The following ITPR1 variants were observed in gnomAD, a reference collection of about 807,000 sequenced individuals.
The protein encoded by ITPR1 is inositol 1,4,5-trisphosphate-gated calcium channel ITPR1.
Under a neutral mutation model 318.4 loss-of-function variants are expected in ITPR1, and 96 were observed. The ratio of observed to expected loss-of-function variants is 0.30; its 90% CI spans 0.26 to 0.36. The LOEUF is 0.36. ITPR1 is among the 10% of genes least tolerant of loss of function. ITPR1 has a pLI of 1.00. For synonymous variants in ITPR1, 1,312 were observed against 1,289.9 expected (o/e 1.02, Z -0.37); for missense variants, 2,440 against 3,460.2 (o/e 0.71, Z 7.40).
chr3:4,744,097 A>G (rs2043905197), intron 44 of ITPR1, among the ~76,000 whole-genome samples: 1 of 152,152 alleles, frequency 6.6e-6, no homozygotes, highest in African/African-American at 2.4e-5. Context: ...CAGCCTCCCA[A>G]AGTGCTGGGA....
At chr3:4,733,492 G>C (rs868256226) in intron 43 of ITPR1, among the ~76,000 whole-genome samples, 13 of 152,002 alleles carry the variant, frequency 8.6e-5, no homozygotes, top group Middle Eastern at 3.2e-3. Flanking sequence ...TGAATGATTT[G>C]AGGGATTTGA....
At chr3:4,590,222 C>T (rs1056662323) in intron 4 of ITPR1, among the ~76,000 whole-genome samples, 13 of 131,166 alleles carry the variant, frequency 9.9e-5, no homozygotes, top group Admixed American at 7.7e-4. Flanking sequence ...CTACTCTCAA[C>T]ACTGTATGTC....
rs1174581431 is a variant in ITPR1 at position 4,663,237 on chromosome 3, G to C, written c.1554+31G>C. On this transcript the variant is annotated intron_variant, in intron 16 of 61. Transcript: ENST00000649015. ...TGAGATGTGGCGTACTGGGGATTTG[G>C]CTTTATGAGAAATCATAAAGCATGA... 4 of 1,581,120 alleles carry C rather than the reference G, an allele frequency of 2.5e-6. No homozygotes were observed. In the Admixed American group the frequency reaches 6.9e-5, roughly 27 times the overall value.
At chr3:4,580,540 C>T (rs187721813) in intron 4 of ITPR1, among the ~76,000 whole-genome samples, 94 of 152,302 alleles carry the variant, frequency 6.2e-4, no homozygotes, top group African/African-American at 2.2e-3. Flanking sequence ...ACAAGTGATA[C>T]GGGGAGGTGA....
At chr3:4,535,664 C>T (rs2083809264) in intron 4 of ITPR1, among the ~76,000 whole-genome samples, 1 of 151,834 alleles carries the variant, frequency 6.6e-6, no homozygotes, top group Admixed American at 6.6e-5. Context: ...CCAGGATGGT[C>T]TCAATCTCCT....
chr3:4,775,478 G>GA, intron 47 of ITPR1, 36 bp downstream of exon 47: 1 of 1,524,730 alleles, frequency 6.6e-7, no homozygotes, highest in Non-Finnish European at 9.1e-7. Flanking sequence ...GGGAAAAAAA[G>GA]TGTCCCATTT....
Position 4,567,347 on chromosome 3 carries a change from T to C in ITPR1, c.163+46253T>C, listed in dbSNP as rs146059521. The stretch of plus-strand genomic sequence containing the variant: ...GCTAATAGAGTAATACCTTGTTGAA[T>C]TTGTGTAATGTTCCAGGTTGGAGGG... On this transcript the variant is annotated intron_variant, in intron 4 of 61. Transcript: ENST00000649015. Among the ~76,000 whole-genome samples, 1,155 of 152,284 alleles carry C rather than the reference T, an allele frequency of 7.6e-3. 12 individuals are homozygous for C. Among genetic ancestry groups the C allele is most frequent in the African/African-American group, 0.026 (1,093 of 41,564 alleles).
At chr3:4,788,514 C>G (rs781752120) in intron 52 of ITPR1, among the ~76,000 whole-genome samples, 4 of 152,232 alleles carry the variant, frequency 2.6e-5, no homozygotes, top group Non-Finnish European at 4.4e-5. Context: ...CTTGCTGGCT[C>G]ATTTACTAGC....
chr3:4,591,159 G>C (rs557458497), intron 4 of ITPR1, among the ~76,000 whole-genome samples: 47 of 152,278 alleles, frequency 3.1e-4, no homozygotes, highest in African/African-American at 1.0e-3. Flanking sequence ...CCATGCCTTT[G>C]CTATTGTGAA....
At chr3:4,652,966 T>C (rs2093629772) in intron 11 of ITPR1, among the ~76,000 whole-genome samples, 1 of 152,056 alleles carries the variant, frequency 6.6e-6, no homozygotes, top group Non-Finnish European at 1.5e-5. Flanking sequence ...CCAGCTTGGG[T>C]GACAGAATGA....
intron 60 of ITPR1, among the ~76,000 whole-genome samples, chr3:4,829,796 G>T (rs1382972665): frequency 6.6e-6 from 1 of 151,984 alleles, no homozygotes; most frequent in Middle Eastern, 3.4e-3. Context: ...TCCACCTTTA[G>T]AATATCACAC....
chr3:4,653,799 A>G, intron 11 of ITPR1, 43 bp from the exon 12 acceptor site: 1 of 1,493,864 alleles, frequency 6.7e-7, no homozygotes, highest in Non-Finnish European at 9.2e-7. Flanking sequence ...GTCCTTAAGA[A>G]AGCAATGGAT....
At chr3:4,684,227 T>C in intron 28 of ITPR1, 54 bp from the exon 29 acceptor site, 6 of 1,195,050 alleles carry the variant, frequency 5.0e-6, no homozygotes, top group South Asian at 1.3e-5. Context: ...TGTAAAAAAC[T>C]GACAGTAGCC....
At chr3:4,651,343 A>G (rs1408856702) in intron 10 of ITPR1, among the ~76,000 whole-genome samples, 1 of 152,140 alleles carries the variant, frequency 6.6e-6, no homozygotes, top group Admixed American at 6.5e-5. Flanking sequence ...CACAAATTCT[A>G]GCTGCCTCAG....
intron 39 of ITPR1, among the ~76,000 whole-genome samples, chr3:4,715,041 A>C (rs900425242): frequency 2.6e-5 from 4 of 152,250 alleles, no homozygotes; most frequent in African/African-American, 9.6e-5. Flanking sequence ...ATCTCAGTTC[A>C]GCCTCAGAGA....
intron 44 of ITPR1, among the ~76,000 whole-genome samples, chr3:4,758,219 C>T (rs2045156698): frequency 6.6e-6 from 1 of 152,168 alleles, no homozygotes; most frequent in African/African-American, 2.4e-5. Flanking sequence ...TCTCTGGATT[C>T]TCTCAAGGCC....
At position 4,775,255 on chromosome 3, in the gene ITPR1, G is replaced by A; in HGVS notation, c.5993G>A (p.Cys1998Tyr). 1 of 1,613,860 alleles carries A rather than the reference G, an allele frequency of 6.2e-7. No individual in the cohort carries two copies. The highest frequency in any genetic ancestry group is 8.5e-7 in the Non-Finnish European group (1 of 1,179,774). ...HNRDLQNFLR[C>Y]QNNKTNYNLV... ...ACCCAATTGCAGAACTTCCTCCGTTGCCAAAATAACAAGACCAACTACAAT... is the reference window on the plus strand; with the variant it reads ...ACCCAATTGCAGAACTTCCTCCGTTACCAAAATAACAAGACCAACTACAAT... Residue 1998 changes from cysteine (C) to tyrosine (Y), a missense_variant, in exon 47 of 62, where the codon TGC (cysteine) becomes TAC (tyrosine). By Grantham distance (194) the Cys-to-Tyr change is radical. Coordinates refer to ENST00000649015, the MANE Select transcript of ITPR1 (RefSeq NM_001378452.1).
chr3:4,660,841 C>A (rs1421066155), intron 13 of ITPR1, 147 bp from the exon 14 acceptor site: 2 of 436,124 alleles, frequency 4.6e-6, no homozygotes, highest in Admixed American at 4.0e-5. Flanking sequence ...TGGACCTGGA[C>A]CATTTGCCCC....
intron 51 of ITPR1, among the ~76,000 whole-genome samples, chr3:4,784,947 T>G (rs1017498757): frequency 6.6e-6 from 1 of 151,514 alleles, no homozygotes; most frequent in Non-Finnish European, 1.5e-5. Flanking sequence ...ATGGCCATAA[T>G]GTGAAAGGGG....
Sources: gnomAD v4.1 joint callset for allele counts (sites outside exome capture counted in the v4.1 genomes callset) on GRCh38, gnomAD v4.1.1 for gene constraint, MANE v1.5 for transcripts, NCBI Gene and HGNC (gene_info 2026-07-23, HGNC 2026-07-21) for gene names.